The following MLLT3 variants were observed in gnomAD, a reference collection of about 807,000 sequenced individuals.
MLLT3 encodes protein AF-9.
In MLLT3, 4 loss-of-function variants were observed where a neutral mutation model predicts 53.2. The observed-to-expected ratio is 0.08, with a 90% CI of 0.04 to 0.17. MLLT3 has a LOEUF of 0.17. MLLT3 is among the 10% of genes least tolerant of loss of function. MLLT3 has a pLI of 1.00. For missense variants in MLLT3, 569 were observed against 684.0 expected, an observed-to-expected ratio of 0.83 and a Z score of 1.87; for synonymous variants, 283 against 230.6, an observed-to-expected ratio of 1.23 and a Z score of -2.06.
chr9:20,514,466 C>A (rs1389916820), intron 2 of MLLT3, among the ~76,000 whole-genome samples: 1 of 152,012 alleles, frequency 6.6e-6, no homozygotes, highest in Non-Finnish European at 1.5e-5. Flanking sequence ...GACTAATATT[C>A]AACAAAATGA....
At chr9:20,427,320 A>C (rs1229727458) in intron 4 of MLLT3, among the ~76,000 whole-genome samples, 2 of 152,006 alleles carry the variant, frequency 1.3e-5, no homozygotes, top group Non-Finnish European at 2.9e-5. Flanking sequence ...AAAAAAAAAA[A>C]CACTGTTGGA....
At chr9:20,538,732 C>A (rs1222010162) in intron 2 of MLLT3, among the ~76,000 whole-genome samples, 1 of 152,122 alleles carries the variant, frequency 6.6e-6, no homozygotes, top group Admixed American at 6.6e-5. Context: ...TATTTAGTCC[C>A]TTAAAAACAT....
chr9:20,417,039 A>C (rs1011131830), intron 4 of MLLT3, among the ~76,000 whole-genome samples: 2 of 151,434 alleles, frequency 1.3e-5, no homozygotes, highest in African/African-American at 4.9e-5. Context: ...TCTGATACTT[A>C]TATACATATG....
chr9:20,428,417 T>TA (rs57266670), intron 4 of MLLT3, among the ~76,000 whole-genome samples: 47 of 152,068 alleles, frequency 3.1e-4, no homozygotes, highest in Admixed American at 1.8e-3. Context: ...TTAATGTTTT[T>TA]AAAAAAACTG....
intron 2 of MLLT3, among the ~76,000 whole-genome samples, chr9:20,490,019 G>C (rs570354018): frequency 1.3e-5 from 2 of 152,188 alleles, no homozygotes; most frequent in Non-Finnish European, 2.9e-5. Context: ...ATACAAAAAG[G>C]AATACATGGT....
intron 9 of MLLT3, among the ~76,000 whole-genome samples, chr9:20,354,115 C>T (rs963159736): frequency 6.6e-6 from 1 of 152,104 alleles, no homozygotes; most frequent in Non-Finnish European, 1.5e-5. Context: ...CTGGTCATAC[C>T]AAACATTGCT....
intron 5 of MLLT3, among the ~76,000 whole-genome samples, chr9:20,408,445 C>T (rs961127423): frequency 6.6e-6 from 1 of 151,996 alleles, no homozygotes; most frequent in Non-Finnish European, 1.5e-5. Flanking sequence ...ATGCACCCAA[C>T]AAAGTTAACT....
chr9:20,543,969 G>A (rs755260972), intron 2 of MLLT3, among the ~76,000 whole-genome samples: 2 of 152,032 alleles, frequency 1.3e-5, no homozygotes, highest in African/African-American at 4.8e-5. Context: ...CCCTACAACA[G>A]GGGAATCAAA....
chr9:20,377,585 TTTTAAAAAATGTGTCAC>T (rs1260123183), intron 5 of MLLT3, among the ~76,000 whole-genome samples: 1 of 152,162 alleles, frequency 6.6e-6, no homozygotes, highest in Non-Finnish European at 1.5e-5. Flanking sequence ...AACTTTAACC[TTTTAAAAAATGTGTCAC>T]TTTAAAATGT....
At chr9:20,482,716 A>G (rs540536299) in intron 2 of MLLT3, among the ~76,000 whole-genome samples, 1 of 152,366 alleles carries the variant, frequency 6.6e-6, no homozygotes, top group African/African-American at 2.4e-5. Context: ...GATAATTAGT[A>G]TAAGAGGCAT....
chr9:20,426,607 A>C (rs957331672), intron 4 of MLLT3, among the ~76,000 whole-genome samples: 3 of 152,136 alleles, frequency 2.0e-5, no homozygotes, highest in African/African-American at 7.2e-5. Flanking sequence ...TATTTTATAC[A>C]TATTTATGAG....
chr9:20,357,441 T>C (rs1262265002), intron 8 of MLLT3, among the ~76,000 whole-genome samples: 1 of 152,256 alleles, frequency 6.6e-6, no homozygotes, highest in Non-Finnish European at 1.5e-5. Flanking sequence ...CATTTATAGA[T>C]ACAGCAGTCT....
At chr9:20,380,118 G>T (rs915095830) in intron 5 of MLLT3, 2 of 151,896 alleles carry the variant, frequency 1.3e-5, no homozygotes, top group African/African-American at 4.8e-5. Flanking sequence ...AGTATTTACG[G>T]CCTTTATTCA....
At chr9:20,364,474 T>C (rs183910803) in intron 6 of MLLT3, among the ~76,000 whole-genome samples, 44 of 152,264 alleles carry the variant, frequency 2.9e-4, no homozygotes, top group African/African-American at 8.7e-4. Flanking sequence ...ATAAAGACAA[T>C]GAAGAAAGAG....
intron 2 of MLLT3, among the ~76,000 whole-genome samples, chr9:20,567,657 A>G (rs1819414663): frequency 1.3e-5 from 2 of 152,212 alleles, no homozygotes; most frequent in South Asian, 4.1e-4. Flanking sequence ...TGACTATATT[A>G]TCATTACCCA....
intron 2 of MLLT3, among the ~76,000 whole-genome samples, chr9:20,565,278 C>T (rs189843349): frequency 1.3e-5 from 2 of 152,068 alleles, no homozygotes; most frequent in East Asian, 1.9e-4. Context: ...GCTTCGGTTC[C>T]GCTAGGTTAT....
In MLLT3 at chr9:20,343,727, T is replaced by C. The variant is rs1820798048; in HGVS notation, c.*2716A>G. ...TAATTTTATTTGAAACATCTATTTATATATGTACACCAAAGAAATTAAACC... is the reference window on the plus strand; with the variant it reads ...TAATTTTATTTGAAACATCTATTTACATATGTACACCAAAGAAATTAAACC... On this transcript the variant is annotated 3_prime_UTR_variant, in exon 11 of 11. Coordinates refer to ENST00000380338, the MANE Select transcript of MLLT3 (RefSeq NM_004529.4). The C allele has an allele frequency of 4.6e-6, 1 of 217,928 alleles. No individual in the cohort carries two copies. The highest frequency in any genetic ancestry group is 2.2e-5 in the African/African-American group (1 of 44,484). 13.5% of individuals were successfully genotyped at this position (217,928 alleles called of 1,614,324 possible).
chr9:20,419,508 C>T (rs1822954164), intron 4 of MLLT3, among the ~76,000 whole-genome samples: 1 of 146,214 alleles, frequency 6.8e-6, no homozygotes, highest in Admixed American at 6.9e-5. Context: ...TACAATCTCA[C>T]AGAGCTCACT....
At chr9:20,570,440 C>T (rs1033632481) in intron 2 of MLLT3, among the ~76,000 whole-genome samples, 1 of 152,202 alleles carries the variant, frequency 6.6e-6, no homozygotes. Context: ...AAACACTACA[C>T]TTTCTAACAA....
Sources: allele counts gnomAD v4.1 joint callset (sites outside exome capture counted in the v4.1 genomes callset), GRCh38; gene constraint gnomAD v4.1.1; transcripts MANE v1.5; gene names NCBI Gene and HGNC (gene_info 2026-07-23, HGNC 2026-07-21).